MYLIP: variants seen among roughly 807,000 people sequenced by gnomAD.
MYLIP encodes the protein E3 ubiquitin-protein ligase MYLIP.
A neutral mutation model predicts 45.8 loss-of-function variants in MYLIP; 26 were observed. The observed-to-expected ratio is 0.57, with a 90% confidence interval of 0.42 to 0.79. The LOEUF (loss-of-function observed/expected upper bound fraction) is 0.79, where lower values mean the gene tolerates loss of function less well. Ranked by LOEUF, MYLIP falls within the 30% of genes least tolerant of loss-of-function variation. The probability of loss-of-function intolerance (pLI) is 0.00; values close to 1 mark genes in which losing one functional copy is unlikely to be tolerated. For synonymous variants in MYLIP, 213 were observed against 218.1 expected (o/e 0.98, Z 0.21); for missense variants, 494 against 555.6 (o/e 0.89, Z 1.11).
At chr6:16,135,748 C>CATATATATATATATATAT (rs765116596) in intron 2 of MYLIP, among the ~76,000 whole-genome samples, 1,195 of 112,562 alleles carry the variant, frequency 0.011, 34 homozygotes, top group Admixed American at 0.027. Flanking sequence ...TGTGTGTATA[C>CATATATATATATATATAT]ATATATCTAT....
intron 2 of MYLIP, among the ~76,000 whole-genome samples, chr6:16,136,545 CT>C (rs1032055218): frequency 2.0e-5 from 3 of 151,840 alleles, no homozygotes; most frequent in Non-Finnish European, 4.4e-5. Flanking sequence ...TAGTATGTAC[CT>C]TTTTTTTGTA....
At chr6:16,137,830 GA>G in intron 2 of MYLIP, among the ~76,000 whole-genome samples, 1 of 152,110 alleles carries the variant, frequency 6.6e-6, no homozygotes, top group African/African-American at 2.4e-5. Flanking sequence ...AATATAGTAA[GA>G]ATATGTGATT....
chr6:16,143,269 C>G, intron 4 of MYLIP, 52 bp downstream of exon 4: 1 of 1,536,376 alleles, frequency 6.5e-7, no homozygotes. Flanking sequence ...ACATCTGTAG[C>G]TGTCAATGTA....
chr6:16,161,371 TC>T, the MYLIP span: 1 of 240,436 alleles, frequency 4.2e-6, no homozygotes, highest in South Asian at 5.2e-5. Context: ...TGCTGCTGCC[TC>T]CCAAACTGCG....
chr6:16,160,545 T>TA, the MYLIP span, among the ~76,000 whole-genome samples: 1 of 152,212 alleles, frequency 6.6e-6, no homozygotes, highest in Non-Finnish European at 1.5e-5. Context: ...CTCACGCCTG[T>TA]AATCCCAGCA....
At chr6:16,162,466 A>G in the MYLIP span, among the ~76,000 whole-genome samples, 2 of 152,180 alleles carry the variant, frequency 1.3e-5, no homozygotes, top group African/African-American at 4.8e-5. Context: ...TTATATAAAT[A>G]CAGCTTCTGA....
rs961181910 is a variant in MYLIP, at chr6:16,129,839, G to A, written c.87+430G>A. Among the ~76,000 whole-genome samples the A allele has an allele frequency of 5.9e-5, 9 of 152,224 alleles. No individual in the cohort carries two copies. The highest frequency in any genetic ancestry group is 1.0e-4 in the Non-Finnish European group (7 of 68,028). On this transcript the variant is annotated intron_variant, in intron 1 of 6. Coordinates refer to ENST00000356840, the MANE Select transcript of MYLIP (RefSeq NM_013262.4). This position sits in a 1 kb window ranked among gnomAD's most constrained non-coding sequence, Gnocchi z 5.1. ...CTCGAAGCAGTCTCGGGCCCCAGGG[G>A]TTCTTGGCAGACAAGCCGGGCCCTT...
chr6:16,144,775 T>G (rs2113564771), intron 5 of MYLIP, 122 bp from the exon 6 acceptor site: 1 of 1,135,826 alleles, frequency 8.8e-7, no homozygotes, highest in Non-Finnish European at 1.3e-6. Context: ...AAGGACTTAC[T>G]TTCATACATG....
Position 16,140,129 on chromosome 6 carries a change from C to T in MYLIP, c.279-1496C>T, listed in dbSNP as rs140682740. Among the ~76,000 whole-genome samples the T allele has an allele frequency of 4.6e-3, 701 of 152,256 alleles. 8 individuals are homozygous for T. Among genetic ancestry groups the T allele is most frequent in the South Asian group, 0.022 (104 of 4,826 alleles). ...TAAACAGAAACAGTGCTGAGGACAT[C>T]GCACCTGGCCAAAGTTACAATTCAT... On this transcript the variant is annotated intron_variant, in intron 2 of 6. Transcript: ENST00000356840.
rs72833427 is a variant in MYLIP at position 16,145,071 on chromosome 6, C to T, written c.1002C>T (p.Gly334=). 42 of 1,614,192 alleles carry T rather than the reference C, an allele frequency of 2.6e-5. No homozygotes were observed. The highest frequency in any genetic ancestry group is 4.0e-5 in the African/African-American group (3 of 75,048). Residue 334 remains glycine (G), a synonymous_variant, in exon 6 of 7, where the codon GGC becomes GGT. Transcript: ENST00000356840. ...CCAGGAGGGCTCTGTACAATGCTGGCGTTGTGGACCTCGTTTCAAGAAACA... is the reference window on the plus strand; with the variant it reads ...CCAGGAGGGCTCTGTACAATGCTGGTGTTGTGGACCTCGTTTCAAGAAACA... ...DHARRALYNA[G]VVDLVSRNNQ... is the part of the protein sequence containing the mutation.
chr6:16,153,885 T>C, the MYLIP span, among the ~76,000 whole-genome samples: 3 of 152,174 alleles, frequency 2.0e-5, no homozygotes, highest in African/African-American at 7.2e-5. Context: ...CTTTAGATAT[T>C]ATATAGGCTC....
the MYLIP span, among the ~76,000 whole-genome samples, chr6:16,153,338 T>C: frequency 3.3e-5 from 5 of 152,212 alleles, no homozygotes; most frequent in Non-Finnish European, 5.9e-5. Context: ...TTTCCCTAAA[T>C]GGTTAGAACA....
intron 2 of MYLIP, among the ~76,000 whole-genome samples, chr6:16,137,248 A>G (rs1292254794): frequency 6.6e-6 from 1 of 152,228 alleles, no homozygotes; most frequent in Non-Finnish European, 1.5e-5. Context: ...TTGTGATTTG[A>G]TAGCTTTTAA....
chr6:16,157,262 T>C, the MYLIP span, among the ~76,000 whole-genome samples: 1 of 152,356 alleles, frequency 6.6e-6, no homozygotes, highest in East Asian at 1.9e-4. Flanking sequence ...ATCTCACTAC[T>C]TGCCAAATTA....
chr6:16,143,106 A>T lies in MYLIP; in HGVS notation c.551A>T (p.Asn184Ile), dbSNP rs201162030. ...TTGCAGATTGTGTCGGCAATGGAAA[A>T]CTATGGCATAGAATGGCATTCTGTG... ...QVLQIVSAME[N>I]YGIEWHSVRD... The change falls in exon 4 of 7, where the codon AAC becomes ATC. Residue 184 changes from asparagine (N) to isoleucine (I), a missense_variant. Physicochemically the swap from Asn to Ile is moderately radical, Grantham distance 149 (BLOSUM62 -3). Transcript: ENST00000356840. 1.4e-4 allele frequency: 222 copies of T among 1,614,086 alleles called. No homozygotes were observed. The highest frequency in any genetic ancestry group is 1.8e-4 in the Non-Finnish European group (208 of 1,180,048).
downstream of MYLIP, among the ~76,000 whole-genome samples, chr6:16,152,226 G>A (rs907391217): frequency 3.9e-5 from 6 of 152,218 alleles, no homozygotes; most frequent in African/African-American, 7.2e-5. Flanking sequence ...GCTTTGATAC[G>A]TATGTGAAAG....
chr6:16,142,623 T>G (rs1241169346), intron 3 of MYLIP, among the ~76,000 whole-genome samples: 1 of 152,210 alleles, frequency 6.6e-6, no homozygotes, highest in Non-Finnish European at 1.5e-5. Flanking sequence ...CCATGCCAGG[T>G]TGACTCCTGT....
chr6:16,136,913 C>T (rs531108405), intron 2 of MYLIP, among the ~76,000 whole-genome samples: 1 of 152,274 alleles, frequency 6.6e-6, no homozygotes, highest in Non-Finnish European at 1.5e-5. Context: ...TGTACAAATT[C>T]TTCATGTACC....
In MYLIP at chr6:16,129,089, T is replaced by A; in HGVS notation, c.-234T>A. On this transcript the variant is annotated 5_prime_UTR_variant, in exon 1 of 7. Coordinates refer to ENST00000356840, the MANE Select transcript of MYLIP (RefSeq NM_013262.4). This position sits in a 1 kb window ranked among gnomAD's most constrained non-coding sequence, Gnocchi z 5.1. ...GAGTCCCTGTCGCAGCGCAGGCAGT[T>A]GGGCTGCTGGAGTGCGGCGCCACCG... is the stretch of plus-strand genomic sequence containing the variant. 1 of 534,306 alleles carries A rather than the reference T, an allele frequency of 1.9e-6. No homozygotes were observed. The highest frequency in any genetic ancestry group is 3.3e-5 in the East Asian group (1 of 30,412). The allele number at this position is 534,306 out of a possible 1,614,324, so 33.1% of individuals were successfully genotyped here.
Sources: allele counts gnomAD v4.1 joint callset (sites outside exome capture counted in the v4.1 genomes callset), GRCh38; gene constraint gnomAD v4.1.1; non-coding constraint Gnocchi (gnomAD v3.1); transcripts MANE v1.5; gene names NCBI Gene and HGNC (gene_info 2026-07-23, HGNC 2026-07-21).